The following SPAG6 variants were observed in gnomAD, a reference collection of about 807,000 sequenced individuals.
SPAG6 encodes the protein sperm associated antigen 6, also known as sperm-associated antigen 6.
In SPAG6, 49 loss-of-function variants were observed where a neutral mutation model predicts 58.5. The ratio of observed to expected loss-of-function variants is 0.84; its 90% confidence interval spans 0.67 to 1.06. The LOEUF (loss-of-function observed/expected upper bound fraction) is 1.06. Among genes scored for constraint, SPAG6 ranks in the 50% least tolerant of loss-of-function variants. The pLI is 0.00. For missense variants in SPAG6, 560 were observed against 611.3 expected, an observed-to-expected ratio of 0.92 and a Z score of 0.89; for synonymous variants, 233 against 225.6, an observed-to-expected ratio of 1.03 and a Z score of -0.29.
intron 9 of SPAG6, 39 bp from the exon 10 acceptor site, chr10:22,410,992 A>G (rs535746638): frequency 6.3e-7 from 1 of 1,583,060 alleles, no homozygotes; most frequent in African/African-American, 1.4e-5. Flanking sequence ...TCTAACTTGG[A>G]AAAGAAAAGC....
rs1254109542 is a variant in SPAG6 at position 22,367,670 on chromosome 10, T to C, written c.289-825T>C. ...CATTATGCTAACCATAAAACCATAG[T>C]GAGTGTCACAGCCACATATTTCCTA... On this transcript the variant is annotated intron_variant, in intron 3 of 10. Coordinates refer to ENST00000376624, the MANE Select transcript of SPAG6 (RefSeq NM_012443.4). Among the ~76,000 whole-genome samples, 5 of 152,326 alleles carry C rather than the reference T, an allele frequency of 3.3e-5. No individual in the cohort carries two copies. The East Asian group carries it at 9.6e-4, about 29-fold the overall frequency.
At chr10:22,367,210 G>T (rs146328063) in intron 3 of SPAG6, among the ~76,000 whole-genome samples, 1 of 152,040 alleles carries the variant, frequency 6.6e-6, no homozygotes, top group East Asian at 1.9e-4. Flanking sequence ...GTTAGCTAAG[G>T]TAATGAAAAT....
chr10:22,416,733 G>T lies in SPAG6; in HGVS notation c.*45G>T. On this transcript the variant is annotated 3_prime_UTR_variant, in exon 11 of 11. Transcript: ENST00000376624. ...CTCAAATTCACAGCAGAGTAGTTTT[G>T]AGTAACAGTAATTAAATCCTTCTAA... 1.8e-6 allele frequency: 2 copies of T among 1,099,370 alleles called. No homozygotes were observed. The highest frequency in any genetic ancestry group is 2.6e-5 in the South Asian group (2 of 77,086). The allele number at this position is 1,099,370 out of a possible 1,614,324, so 68.1% of individuals were successfully genotyped here. A position where few individuals can be genotyped will look rare whatever the true frequency, so the allele number is the denominator to read the frequency against.
intron 10 of SPAG6, among the ~76,000 whole-genome samples, chr10:22,415,209 T>C (rs1382507985): frequency 6.6e-6 from 1 of 151,188 alleles, no homozygotes; most frequent in Non-Finnish European, 1.5e-5. Context: ...ATACTAAGAA[T>C]ACTATATTAT....
chr10:22,363,114 T>A (rs1236321555), intron 2 of SPAG6, among the ~76,000 whole-genome samples: 1 of 152,228 alleles, frequency 6.6e-6, no homozygotes, highest in Non-Finnish European at 1.5e-5. Context: ...ATTTTGGATG[T>A]ACTTAACTCA....
intron 4 of SPAG6, among the ~76,000 whole-genome samples, chr10:22,382,930 A>G (rs1275216105): frequency 6.6e-6 from 1 of 152,234 alleles, no homozygotes; most frequent in Non-Finnish European, 1.5e-5. Flanking sequence ...AAATGCTGTT[A>G]GCATGTTGAT....
chr10:22,353,282 A>T (rs1836782224), intron 2 of SPAG6, among the ~76,000 whole-genome samples: 1 of 152,260 alleles, frequency 6.6e-6, no homozygotes, highest in Non-Finnish European at 1.5e-5. Flanking sequence ...TCTTCTGCAA[A>T]CAGATGGATG....
chr10:22,380,086 G>C (rs564387268), intron 4 of SPAG6, among the ~76,000 whole-genome samples: 2 of 151,844 alleles, frequency 1.3e-5, no homozygotes, highest in Non-Finnish European at 2.9e-5. Flanking sequence ...GAGGCACTGC[G>C]CCTGGCCAAC....
chr10:22,410,142 T>G (rs1834693136), intron 9 of SPAG6, among the ~76,000 whole-genome samples: 1 of 152,204 alleles, frequency 6.6e-6, no homozygotes, highest in African/African-American at 2.4e-5. Flanking sequence ...TTGGATTTAT[T>G]GATTCCTTAC....
At chr10:22,409,436 G>C (rs1467664342) in intron 9 of SPAG6, among the ~76,000 whole-genome samples, 1 of 152,148 alleles carries the variant, frequency 6.6e-6, no homozygotes, top group Non-Finnish European at 1.5e-5. Context: ...CATGTACCCA[G>C]CTCTCTGTTG....
chr10:22,374,414 T>A (rs927285061), intron 4 of SPAG6, among the ~76,000 whole-genome samples: 1 of 152,104 alleles, frequency 6.6e-6, no homozygotes, highest in African/African-American at 2.4e-5. Flanking sequence ...TGACACAATG[T>A]ACAATACTGT....
chr10:22,386,367 G>A (rs946003522), intron 4 of SPAG6, among the ~76,000 whole-genome samples: 7 of 151,762 alleles, frequency 4.6e-5, no homozygotes, highest in Admixed American at 2.6e-4. Flanking sequence ...TAGTGTGGTT[G>A]GTAAATTTTT....
chr10:22,366,225 T>A (rs1028049149), intron 3 of SPAG6, among the ~76,000 whole-genome samples: 1 of 152,118 alleles, frequency 6.6e-6, no homozygotes, highest in African/African-American at 2.4e-5. Context: ...GGATTATTAG[T>A]CATAAAAGGA....
intron 4 of SPAG6, among the ~76,000 whole-genome samples, chr10:22,385,331 T>C (rs951526978): frequency 3.9e-5 from 6 of 152,170 alleles, no homozygotes; most frequent in African/African-American, 1.4e-4. Flanking sequence ...GTTGTATTGC[T>C]AGATTGATAC....
chr10:22,346,484 C>CTTCTTCTTT (rs1836548649), intron 2 of SPAG6, among the ~76,000 whole-genome samples: 1 of 139,244 alleles, frequency 7.2e-6, no homozygotes, highest in Non-Finnish European at 1.5e-5. Context: ...TCTTCTTCTT[C>CTTCTTCTTT]TTCTTCTTCT....
intron 4 of SPAG6, among the ~76,000 whole-genome samples, chr10:22,377,336 T>C (rs926095626): frequency 9.2e-5 from 14 of 152,200 alleles, no homozygotes; most frequent in African/African-American, 3.1e-4. Context: ...CACAACCACC[T>C]AGCTAAGCTG....
At position 22,387,873 on chromosome 10, in the gene SPAG6, G is replaced by A; in HGVS notation, c.729G>A (p.Leu243=). ...LSQVSKHSVD[L]AEMVVEAEIF... ...AGGTTTCAAAACATTCCGTGGATCT[G>A]GCAGAAATGGTTGTTGAAGCAGAGA... The change falls in exon 6 of 11, where the codon CTG becomes CTA. Residue 243 remains leucine, a synonymous_variant. Coordinates refer to ENST00000376624, the MANE Select transcript of SPAG6 (RefSeq NM_012443.4). 6.2e-7 allele frequency: 1 copy of A among 1,613,266 alleles called. No individual in the cohort carries two copies. Among genetic ancestry groups the A allele is most frequent in the African/African-American group, 1.3e-5 (1 of 74,884 alleles).
chr10:22,395,408 G>T (rs563902317), intron 8 of SPAG6, among the ~76,000 whole-genome samples: 2 of 152,142 alleles, frequency 1.3e-5, no homozygotes, highest in African/African-American at 2.4e-5. Context: ...CTTTATTTTT[G>T]ATTGTAGTCA....
intron 9 of SPAG6, 30 bp from the exon 10 acceptor site, chr10:22,411,001 G>T (rs1376863497): frequency 1.3e-6 from 2 of 1,589,066 alleles, no homozygotes; most frequent in East Asian, 2.2e-5. Flanking sequence ...GAAAAGAAAA[G>T]CTGACATTTT....
Sources: gnomAD v4.1 joint callset for allele counts (sites outside exome capture counted in the v4.1 genomes callset) on GRCh38, gnomAD v4.1.1 for gene constraint, MANE v1.5 for transcripts, NCBI Gene and HGNC (gene_info 2026-07-23, HGNC 2026-07-21) for gene names.